The following PTPRT variants were observed in gnomAD, a reference collection of about 807,000 sequenced individuals.
PTPRT encodes receptor-type tyrosine-protein phosphatase T.
In PTPRT, 56 loss-of-function variants were observed where a neutral mutation model predicts 176.8. That is an observed-to-expected ratio of 0.32 (90% CI 0.26 to 0.40). The LOEUF (loss-of-function observed/expected upper bound fraction) is 0.40. Among genes scored for constraint, PTPRT ranks in the 10% least tolerant of loss-of-function variants. The pLI is 1.00. For missense variants in PTPRT, 1,540 were observed against 1,908.2 expected, an observed-to-expected ratio of 0.81 and a Z score of 3.60; for synonymous variants, 783 against 739.0, an observed-to-expected ratio of 1.06 and a Z score of -0.96.
At position 43,001,605 on chromosome 20, in the gene PTPRT, A is replaced by G. The variant is rs1023990008; in HGVS notation, c.89-115673T>C. On this transcript the variant is annotated intron_variant, in intron 1 of 30. Coordinates refer to ENST00000373187, the MANE Select transcript of PTPRT (RefSeq NM_007050.6). ...CAATAAAAACAAGTATACAACATTT[A>G]TCAGGAAGAAGACTAAAGCTGTAAC... Among the ~76,000 whole-genome samples, 5 of 152,156 alleles carry G rather than the reference A, an allele frequency of 3.3e-5. No homozygotes were observed. In the South Asian group the frequency reaches 6.2e-4, roughly 19 times the overall value.
chr20:42,811,658 C>T (rs73099959), intron 2 of PTPRT, among the ~76,000 whole-genome samples: 40,334 of 151,944 alleles, frequency 0.27, 6,860 homozygotes, highest in Non-Finnish European at 0.38. Context: ...TCAACTTCTC[C>T]TCCCTCTCTC....
rs1983604527 is a variant in PTPRT at position 42,083,842 on chromosome 20, A to T, written c.4136+840T>A. On this transcript the variant is annotated intron_variant, in intron 29 of 30. Transcript: ENST00000373187. ...AAAGTGAGTGTGAATCAAATATTTC[A>T]CACATAGCTGTTATGGCTGCAGATT... is the stretch of plus-strand genomic sequence containing the variant. 2.6e-5 allele frequency among the ~76,000 whole-genome samples: 4 copies of T among 152,346 alleles called. No individual in the cohort carries two copies. The South Asian group carries it at 8.3e-4, about 32-fold the overall frequency.
chr20:42,386,361 CG>C (rs201684831), intron 9 of PTPRT, among the ~76,000 whole-genome samples: 3,259 of 152,096 alleles, frequency 0.021, 132 homozygotes, highest in African/African-American at 0.075. Context: ...AAAGAAAATA[CG>C]GGGACCTAAC....
At chr20:42,195,446 A>G (rs2146657935) in intron 16 of PTPRT, among the ~76,000 whole-genome samples, 1 of 152,236 alleles carries the variant, frequency 6.6e-6, no homozygotes, top group African/African-American at 2.4e-5. Context: ...TTCAGAAGCA[A>G]TTTCTCATCT....
At chr20:42,109,053 A>C (rs1277667273) in intron 23 of PTPRT, among the ~76,000 whole-genome samples, 1 of 152,226 alleles carries the variant, frequency 6.6e-6, no homozygotes, top group Non-Finnish European at 1.5e-5. Flanking sequence ...AGCAAAGCAG[A>C]AAATACATGC....
chr20:42,361,095 T>A (rs945006843), intron 9 of PTPRT, among the ~76,000 whole-genome samples: 1 of 152,140 alleles, frequency 6.6e-6, no homozygotes, highest in Middle Eastern at 3.2e-3. Flanking sequence ...GTGAACAGTT[T>A]CTAGGGAGAG....
At chr20:43,183,412 G>A (rs2015314344) in intron 1 of PTPRT, among the ~76,000 whole-genome samples, 1 of 152,218 alleles carries the variant, frequency 6.6e-6, no homozygotes, top group Non-Finnish European at 1.5e-5. Context: ...CAGAAAAAAA[G>A]ATGCAGAGCA....
intron 9 of PTPRT, among the ~76,000 whole-genome samples, chr20:42,432,218 T>C (rs1444686386): frequency 6.6e-6 from 1 of 152,186 alleles, no homozygotes; most frequent in Non-Finnish European, 1.5e-5. Context: ...CCCAGGAGCC[T>C]ATGGCACCAG....
chr20:42,847,351 A>T (rs1396362970), intron 2 of PTPRT, among the ~76,000 whole-genome samples: 1 of 152,180 alleles, frequency 6.6e-6, no homozygotes, highest in African/African-American at 2.4e-5. Context: ...CCAGGGAATA[A>T]GTACACAGAA....
chr20:42,935,076 CA>C (rs540997646), intron 1 of PTPRT, among the ~76,000 whole-genome samples: 2,017 of 51,780 alleles, frequency 0.039, 21 homozygotes, highest in African/African-American at 0.072. Flanking sequence ...GACTTCATCT[CA>C]AAAAAAAAAA....
intron 16 of PTPRT, among the ~76,000 whole-genome samples, chr20:42,193,286 G>A (rs6072649): frequency 0.15 from 23,022 of 152,302 alleles, 2,033 homozygotes; most frequent in Non-Finnish European, 0.19. Context: ...CACCTTGTGG[G>A]AATCTGCTAG....
At chr20:42,108,133 A>G (rs557086531) in intron 23 of PTPRT, among the ~76,000 whole-genome samples, 6 of 152,178 alleles carry the variant, frequency 3.9e-5, no homozygotes, top group Non-Finnish European at 7.3e-5. Context: ...ATTTTGGAAC[A>G]ACTATCAATC....
chr20:42,995,270 T>A (rs1984159022), intron 1 of PTPRT, among the ~76,000 whole-genome samples: 1 of 152,184 alleles, frequency 6.6e-6, no homozygotes. Context: ...GGGTCCCTCA[T>A]GAGGTTGTAG....
At chr20:42,235,902 C>A (rs1003131850) in intron 15 of PTPRT, among the ~76,000 whole-genome samples, 1 of 152,180 alleles carries the variant, frequency 6.6e-6, no homozygotes, top group Admixed American at 6.5e-5. Context: ...CTCATGTGTG[C>A]AAGTCCTACA....
At chr20:43,053,300 C>T (rs1362098476) in intron 1 of PTPRT, among the ~76,000 whole-genome samples, 1 of 152,216 alleles carries the variant, frequency 6.6e-6, no homozygotes, top group East Asian at 1.9e-4. Flanking sequence ...ATGCCAGCAT[C>T]AGTGCTCATA....
At chr20:42,938,095 A>C (rs1282640862) in intron 1 of PTPRT, among the ~76,000 whole-genome samples, 1 of 152,232 alleles carries the variant, frequency 6.6e-6, no homozygotes, top group African/African-American at 2.4e-5. Flanking sequence ...GAAGATTAGA[A>C]AGATGCTACA....
intron 15 of PTPRT, among the ~76,000 whole-genome samples, chr20:42,223,954 TCAAG>T (rs1481624241): frequency 6.6e-6 from 1 of 152,170 alleles, no homozygotes; most frequent in Non-Finnish European, 1.5e-5. Flanking sequence ...TTTACAAAAA[TCAAG>T]TCTTTCATTA....
Position 42,208,127 on chromosome 20 carries a change from G to C in PTPRT, c.2343-8739C>G, listed in dbSNP as rs1017577742. Among the ~76,000 whole-genome samples, 25 of 124,494 alleles carry C rather than the reference G, an allele frequency of 2.0e-4. No individual in the cohort carries two copies. In the South Asian group the frequency reaches 6.4e-3, roughly 32 times the overall value. 81.7% of individuals were successfully genotyped at this position (124,494 alleles called of 152,430 possible). A position where few individuals can be genotyped will look rare whatever the true frequency, so the allele number is the denominator to read the frequency against. ...TGTCACCACCAGGCCTGCCCTAAAA[G>C]AGCTCCTGAAGGAAGCGCTAAACAT... On this transcript the variant is annotated intron_variant, in intron 15 of 30. Transcript: ENST00000373187.
At chr20:43,063,501 G>A (rs1274861109) in intron 1 of PTPRT, 1 of 152,150 alleles carries the variant, frequency 6.6e-6, no homozygotes, top group Non-Finnish European at 1.5e-5. Flanking sequence ...GAGAGAGTAG[G>A]ACCAGTCTTC....
Sources: gnomAD v4.1 joint callset for allele counts (sites outside exome capture counted in the v4.1 genomes callset) on GRCh38, gnomAD v4.1.1 for gene constraint, MANE v1.5 for transcripts, NCBI Gene and HGNC (gene_info 2026-07-23, HGNC 2026-07-21) for gene names.